Variants in PIEZO2 observed in about 807,000 individuals in gnomAD.
PIEZO2 encodes piezo-type mechanosensitive ion channel component 2.
PIEZO2 carries 172 observed loss-of-function variants against 337.3 expected under a neutral mutation model. The observed-to-expected ratio is 0.51, with a 90% confidence interval of 0.45 to 0.58. PIEZO2 has a LOEUF of 0.58. Among genes scored for constraint, PIEZO2 ranks in the 20% least tolerant of loss-of-function variants. PIEZO2 has a pLI of 0.00. For missense variants in PIEZO2, 3,028 were observed against 3,391.3 expected (o/e 0.89, Z 2.66); for synonymous variants, 1,251 against 1,228.5 (o/e 1.02, Z -0.38).
intron 43 of PIEZO2, 28 bp downstream of exon 43, chr18:10,701,961 G>A (rs1175165467): frequency 6.7e-7 from 1 of 1,492,846 alleles, no homozygotes; most frequent in Non-Finnish European, 8.9e-7. Flanking sequence ...TGACCAACTT[G>A]AACTGATTAA....
At chr18:10,848,126 T>C (rs2041421150) in intron 7 of PIEZO2, among the ~76,000 whole-genome samples, 1 of 152,218 alleles carries the variant, frequency 6.6e-6, no homozygotes, top group Non-Finnish European at 1.5e-5. Context: ...TTCATTTCAA[T>C]AACCGGATTA....
At chr18:10,900,959 T>C (rs924225026) in intron 4 of PIEZO2, among the ~76,000 whole-genome samples, 4 of 152,234 alleles carry the variant, frequency 2.6e-5, no homozygotes, top group Non-Finnish European at 5.9e-5. Context: ...TTTAGTACTA[T>C]GCTCAATTCT....
chr18:10,800,458 C>A lies in PIEZO2; in HGVS notation c.1257G>T (p.Val419=). The change falls in exon 11 of 56, where the codon GTG becomes GTT. Residue 419 remains valine, a synonymous_variant. Coordinates refer to ENST00000674853, the MANE Select transcript of PIEZO2 (RefSeq NM_001378183.1). ...TGTGGTAATCCACGGGGTTGCCGTT[C>A]ACAGTCACCAGCAGGCCCTGCCGGG... The part of the protein sequence containing the change: ...YKPSDGLLVT[V]NGNPVDYHTI... 6.5e-6 allele frequency: 10 copies of A among 1,533,456 alleles called. No individual in the cohort carries two copies. Among genetic ancestry groups the A allele is most frequent in the Non-Finnish European group, 8.7e-6 (10 of 1,145,326 alleles). The allele number at this position is 1,533,456 out of a possible 1,614,324, so 95.0% of individuals were successfully genotyped here.
Position 10,705,680 on chromosome 18 carries a change from C to T in PIEZO2, c.5655G>A (p.Glu1885=). Residue 1885 remains glutamate, a synonymous_variant, in exon 41 of 56, where the codon GAG becomes GAA. Coordinates refer to ENST00000674853, the MANE Select transcript of PIEZO2 (RefSeq NM_001378183.1). ...TCCCTGCCTCCTCCTCCTGCTCAGCCTCCACCTCCTCGATGGTCTCAGTGG... is the reference window on the plus strand; with the variant it reads ...TCCCTGCCTCCTCCTCCTGCTCAGCTTCCACCTCCTCGATGGTCTCAGTGG... ...QGTTETIEEV[E]AEQEEEAGST... is the part of the protein sequence containing the mutation. 6.5e-7 allele frequency: 1 copy of T among 1,537,026 alleles called. No individual in the cohort carries two copies. Among genetic ancestry groups the T allele is most frequent in the Non-Finnish European group, 8.7e-7 (1 of 1,146,904 alleles).
At position 10,684,092 on chromosome 18, in the gene PIEZO2, C is replaced by CTTT. The variant is rs1415299680; in HGVS notation, c.7498-1801_7498-1800insAAA. Among the ~76,000 whole-genome samples the CTTT allele has an allele frequency of 9.3e-4, 40 of 42,908 alleles. 1 individual carries two copies. In the East Asian group the frequency reaches 9.7e-3, roughly 10 times the overall value. 28.1% of individuals were successfully genotyped at this position (42,908 alleles called of 152,430 possible). On this transcript the variant is annotated intron_variant, in intron 49 of 55. Transcript: ENST00000674853. ...TTCCTTCCTTTTTCCTTCCTTCCTT[C>CTTT]CTTCTTTCTCTCTCTCTTTCTTTCT...
chr18:10,901,809 T>C (rs12455464), intron 4 of PIEZO2, among the ~76,000 whole-genome samples: 51,205 of 151,978 alleles, frequency 0.34, 8,695 homozygotes, highest in African/African-American at 0.35. Flanking sequence ...TGATTGAATC[T>C]ATCAAATACA....
intron 3 of PIEZO2, among the ~76,000 whole-genome samples, chr18:10,938,156 G>A (rs578206418): frequency 1.3e-5 from 2 of 152,312 alleles, no homozygotes; most frequent in South Asian, 2.1e-4. Flanking sequence ...ATTGGGATCA[G>A]AAGACCTGTG....
intron 4 of PIEZO2, among the ~76,000 whole-genome samples, chr18:10,881,238 T>C (rs760205121): frequency 1.9e-4 from 29 of 152,004 alleles, no homozygotes; most frequent in Admixed American, 2.6e-4. Flanking sequence ...TGTATGTATG[T>C]ATGTATGTAT....
rs2036526357 is a variant in PIEZO2 at position 10,726,141 on chromosome 18, G to A, written c.5029+5266C>T. ...TGTGGGTGCGTGGGTGTAGGGTGGTGGGGGGATGGGTGGGAGAGGATTCAT... is the reference window on the plus strand; with the variant it reads ...TGTGGGTGCGTGGGTGTAGGGTGGTAGGGGGATGGGTGGGAGAGGATTCAT... On this transcript the variant is annotated intron_variant, in intron 36 of 55. Coordinates refer to ENST00000674853, the MANE Select transcript of PIEZO2 (RefSeq NM_001378183.1). The surrounding 1 kb of genome is among the most constrained non-coding windows in gnomAD (Gnocchi z 5.9). Among the ~76,000 whole-genome samples the A allele has an allele frequency of 6.6e-6, 1 of 152,130 alleles. No homozygotes were observed. The highest frequency in any genetic ancestry group is 1.5e-5 in the Non-Finnish European group (1 of 68,010).
At chr18:10,831,969 G>T (rs1258562544) in intron 7 of PIEZO2, among the ~76,000 whole-genome samples, 3 of 152,062 alleles carry the variant, frequency 2.0e-5, no homozygotes, top group Admixed American at 2.0e-4. Flanking sequence ...TTAGCTCAAC[G>T]TTCTTCCCAA....
At chr18:10,944,881 AG>A (rs1302997085) in intron 3 of PIEZO2, among the ~76,000 whole-genome samples, 1 of 152,062 alleles carries the variant, frequency 6.6e-6, no homozygotes, top group African/African-American at 2.4e-5. Flanking sequence ...GTGGTTCCTA[AG>A]GGGGGAGAAA....
At chr18:10,925,141 T>C (rs2031651469) in intron 3 of PIEZO2, among the ~76,000 whole-genome samples, 1 of 152,224 alleles carries the variant, frequency 6.6e-6, no homozygotes, top group East Asian at 1.9e-4. Context: ...TGATATATAA[T>C]AAAATAGTAA....
chr18:10,897,209 T>G (rs1049025777), intron 4 of PIEZO2, among the ~76,000 whole-genome samples: 1 of 151,198 alleles, frequency 6.6e-6, no homozygotes, highest in Non-Finnish European at 1.5e-5. Context: ...TTTTCTGAGA[T>G]GGAGCCTCGC....
intron 1 of PIEZO2, among the ~76,000 whole-genome samples, chr18:11,139,859 C>T (rs1269217428): frequency 6.6e-6 from 1 of 152,114 alleles, no homozygotes; most frequent in Non-Finnish European, 1.5e-5. Flanking sequence ...AACTCTTCTG[C>T]TTATACAGAT....
rs2036524488 is a variant in PIEZO2 at position 10,726,112 on chromosome 18, C to T, written c.5029+5295G>A. Reference sequence around the variant, plus strand: ...ATGTCAGTTCGGGAGAGTTCGTGCACGTGTGTGGGTGCGTGGGTGTAGGGT... The same window carrying T: ...ATGTCAGTTCGGGAGAGTTCGTGCATGTGTGTGGGTGCGTGGGTGTAGGGT... On this transcript the variant is annotated intron_variant, in intron 36 of 55. Coordinates refer to ENST00000674853, the MANE Select transcript of PIEZO2 (RefSeq NM_001378183.1). The surrounding 1 kb of genome is among the most constrained non-coding windows in gnomAD (Gnocchi z 5.9). Among the ~76,000 whole-genome samples, 2 of 151,352 alleles carry T rather than the reference C, an allele frequency of 1.3e-5. No individual in the cohort carries two copies. The highest frequency in any genetic ancestry group is 2.4e-5 in the African/African-American group (1 of 41,292).
In PIEZO2 at chr18:10,726,537, C is replaced by T. The variant is rs1044318660; in HGVS notation, c.5029+4870G>A. 6 of 1,438,900 alleles carry T rather than the reference C, an allele frequency of 4.2e-6. No individual in the cohort carries two copies. The highest frequency in any genetic ancestry group is 2.8e-5 in the South Asian group (2 of 71,748). The allele number at this position is 1,438,900 out of a possible 1,614,324, so 89.1% of individuals were successfully genotyped here. ...CTGTGGCGCGCTGCGCTGCTCTGCT[C>T]TGCTACACCAGCCGCCACGCTGTGC... On this transcript the variant is annotated intron_variant, in intron 36 of 55. Transcript: ENST00000674853. This position sits in a 1 kb window ranked among gnomAD's most constrained non-coding sequence, Gnocchi z 5.9.
In PIEZO2 at chr18:10,894,297, C is replaced by CA. The variant is rs142869433; in HGVS notation, c.329+16888dup. On this transcript the variant is annotated intron_variant, in intron 4 of 55. Coordinates refer to ENST00000674853, the MANE Select transcript of PIEZO2 (RefSeq NM_001378183.1). This position sits in a 1 kb window ranked among gnomAD's most constrained non-coding sequence, Gnocchi z 4.1. ...AGAAATCCCCTCTGTACTAAAAATA[C>CA]AAAAAAAACAGCCAGGCGTGGTGGT... 0.027 allele frequency among the ~76,000 whole-genome samples: 4,110 copies of CA among 151,384 alleles called. 200 individuals are homozygous for CA. The highest frequency in any genetic ancestry group is 0.093 in the African/African-American group (3,823 of 41,216).
At chr18:10,910,059 C>A (rs2145064465) in intron 4 of PIEZO2, among the ~76,000 whole-genome samples, 1 of 152,228 alleles carries the variant, frequency 6.6e-6, no homozygotes, top group East Asian at 1.9e-4. Flanking sequence ...TTATTATTTC[C>A]TTTGTATACT....
intron 54 of PIEZO2, among the ~76,000 whole-genome samples, chr18:10,674,757 C>T (rs376806863): frequency 1.3e-5 from 2 of 152,324 alleles, no homozygotes; most frequent in African/African-American, 4.8e-5. Flanking sequence ...TTATACCATC[C>T]AAGTTATATT....
Sources: allele counts gnomAD v4.1 joint callset (sites outside exome capture counted in the v4.1 genomes callset), GRCh38; gene constraint gnomAD v4.1.1; non-coding constraint Gnocchi (gnomAD v3.1); transcripts MANE v1.5; gene names NCBI Gene and HGNC (gene_info 2026-07-23, HGNC 2026-07-21).